SRPK2: variants seen among roughly 807,000 people sequenced by gnomAD.
SRPK2 encodes the protein SRSF protein kinase 2.
SRPK2 carries 21 observed loss-of-function variants against 90.8 expected under a neutral mutation model. That is an observed-to-expected ratio of 0.23 (90% CI 0.16 to 0.33). The LOEUF (loss-of-function observed/expected upper bound fraction) is 0.33, where lower values mean the gene tolerates loss of function less well. Among genes scored for constraint, SRPK2 ranks in the 10% least tolerant of loss-of-function variants. The pLI, the probability that SRPK2 is intolerant of heterozygous loss-of-function variation, is 1.00. For synonymous variants in SRPK2, 288 were observed against 311.1 expected (o/e 0.93, Z 0.78); for missense variants, 620 against 869.0 (o/e 0.71, Z 3.60).
chr7:105,235,484 A>G lies in SRPK2; in HGVS notation c.72-31699T>C, dbSNP rs893913154. On this transcript the variant is annotated intron_variant, in intron 2 of 15. Coordinates refer to ENST00000393651, the MANE Select transcript of SRPK2 (RefSeq NM_182692.3). ...ATTGTGTGTGTGTGTGTGTGTGTGCATGTGCATGCATTTTAAATATGTATG... is the reference window on the plus strand; with the variant it reads ...ATTGTGTGTGTGTGTGTGTGTGTGCGTGTGCATGCATTTTAAATATGTATG... Among the ~76,000 whole-genome samples the G allele has an allele frequency of 9.0e-4, 133 of 148,526 alleles. 1 individual carries two copies. The highest frequency in any genetic ancestry group is 3.2e-3 in the African/African-American group (127 of 39,832).
chr7:105,335,194 CTTA>C (rs1236588050), intron 2 of SRPK2, among the ~76,000 whole-genome samples: 1 of 152,098 alleles, frequency 6.6e-6, no homozygotes, highest in Non-Finnish European at 1.5e-5. Context: ...AATAACACTA[CTTA>C]TTATCAAATA....
At chr7:105,289,526 G>T (rs1808663965) in intron 2 of SRPK2, among the ~76,000 whole-genome samples, 1 of 152,246 alleles carries the variant, frequency 6.6e-6, no homozygotes, top group Admixed American at 6.5e-5. Context: ...GCGGCAGGAG[G>T]ATCTCTTGAG....
intron 3 of SRPK2, among the ~76,000 whole-genome samples, chr7:105,194,553 C>T (rs1388546184): frequency 1.3e-5 from 2 of 152,070 alleles, no homozygotes; most frequent in African/African-American, 2.4e-5. Flanking sequence ...ATTTCTATAA[C>T]CCATCAAAAC....
At chr7:105,213,491 C>A (rs1274028691) in intron 2 of SRPK2, among the ~76,000 whole-genome samples, 3 of 151,588 alleles carry the variant, frequency 2.0e-5, no homozygotes, top group Non-Finnish European at 1.5e-5. Flanking sequence ...AAGGGAAGAG[C>A]CCAGTTCAAA....
intron 2 of SRPK2, among the ~76,000 whole-genome samples, chr7:105,288,158 T>C (rs1280128079): frequency 6.6e-6 from 1 of 152,216 alleles, no homozygotes. Context: ...CTTATGGAAG[T>C]TGTACAACTG....
chr7:105,315,669 C>T (rs1812225807), intron 2 of SRPK2, among the ~76,000 whole-genome samples: 1 of 152,262 alleles, frequency 6.6e-6, no homozygotes, highest in African/African-American at 2.4e-5. Flanking sequence ...TTTAAAACAA[C>T]TTGACTAGAT....
chr7:105,209,646 T>C lies in SRPK2; in HGVS notation c.72-5861A>G, dbSNP rs1370142806. Among the ~76,000 whole-genome samples the C allele has an allele frequency of 1.6e-5, 2 of 124,058 alleles. 1 individual carries two copies. The highest frequency in any genetic ancestry group is 1.8e-4 in the Admixed American group (2 of 11,274). The allele number at this position is 124,058 out of a possible 152,430, so 81.4% of individuals were successfully genotyped here. A position where few individuals can be genotyped will look rare whatever the true frequency, so the allele number is the denominator to read the frequency against. Reference sequence around the variant, plus strand: ...AGAAAAGGGGAAGGGGAAAGGACAATGGAGAAAGGGGAAAGCAAAGGAAAA... The same window carrying C: ...AGAAAAGGGGAAGGGGAAAGGACAACGGAGAAAGGGGAAAGCAAAGGAAAA... On this transcript the variant is annotated intron_variant, in intron 2 of 15. Coordinates refer to ENST00000393651, the MANE Select transcript of SRPK2 (RefSeq NM_182692.3).
intron 2 of SRPK2, among the ~76,000 whole-genome samples, chr7:105,357,424 T>A (rs1027195621): frequency 2.0e-5 from 3 of 152,172 alleles, no homozygotes; most frequent in African/African-American, 7.2e-5. Context: ...TTTATTTTAG[T>A]TTGAAATTAC....
chr7:105,227,895 A>C (rs1661572528), intron 2 of SRPK2, among the ~76,000 whole-genome samples: 2 of 9,242 alleles, frequency 2.2e-4, no homozygotes, highest in South Asian at 5.5e-3. Context: ...TCATTCAGCA[A>C]AAAAAAAAAA....
In SRPK2 at chr7:105,297,245, A is replaced by G. The variant is rs114765233; in HGVS notation, c.71+91403T>C. Among the ~76,000 whole-genome samples, 1,209 of 152,318 alleles carry G rather than the reference A, an allele frequency of 7.9e-3. 16 individuals are homozygous for G. The highest frequency in any genetic ancestry group is 0.027 in the African/African-American group (1,119 of 41,564). On this transcript the variant is annotated intron_variant, in intron 2 of 15. Transcript: ENST00000393651. ...ATAAAGTAAAAACAAGCTGTTAGAA[A>G]CAGCAAACCAATTGCCAATCAAAGA...
At chr7:105,348,283 C>G (rs932218370) in intron 2 of SRPK2, among the ~76,000 whole-genome samples, 4 of 151,898 alleles carry the variant, frequency 2.6e-5, no homozygotes, top group Admixed American at 2.6e-4. Context: ...GTTGGTCAGA[C>G]TGGTCTGGAA....
chr7:105,285,279 G>C (rs1012329376), intron 2 of SRPK2, among the ~76,000 whole-genome samples: 2 of 151,406 alleles, frequency 1.3e-5, no homozygotes, highest in African/African-American at 4.9e-5. Flanking sequence ...CCAGCTACTC[G>C]GGAGGCTGAG....
At chr7:105,194,715 G>T (rs1179101451) in intron 3 of SRPK2, among the ~76,000 whole-genome samples, 2 of 152,166 alleles carry the variant, frequency 1.3e-5, no homozygotes, top group African/African-American at 2.4e-5. Context: ...AAAATGCAAA[G>T]GATCGAGACA....
In SRPK2 at chr7:105,195,032, G is replaced by A. The variant is rs138650986; in HGVS notation, c.229+8596C>T. ...GCTGACATTTTGGCACTGCTCTTTT[G>A]CTAAATATATTTTTATTTTTTGTTT... On this transcript the variant is annotated intron_variant, in intron 3 of 15. Coordinates refer to ENST00000393651, the MANE Select transcript of SRPK2 (RefSeq NM_182692.3). Among the ~76,000 whole-genome samples, 460 of 152,190 alleles carry A rather than the reference G, an allele frequency of 3.0e-3. 4 individuals carry two copies. Among genetic ancestry groups the A allele is most frequent in the African/African-American group, 9.6e-3 (399 of 41,552 alleles).
intron 2 of SRPK2, chr7:105,306,450 C>A: frequency 2.3e-6 from 1 of 440,544 alleles, no homozygotes; most frequent in South Asian, 1.7e-5. Flanking sequence ...GAGACCACAT[C>A]ACTGTCATCT....
upstream of SRPK2, among the ~76,000 whole-genome samples, chr7:105,394,383 C>A (rs921848017): frequency 1.3e-5 from 2 of 152,036 alleles, no homozygotes; most frequent in African/African-American, 4.8e-5. Flanking sequence ...CCTCATGATC[C>A]GCCCGCCTCG....
intron 3 of SRPK2, among the ~76,000 whole-genome samples, chr7:105,176,642 G>T (rs1791940824): frequency 7.9e-6 from 1 of 126,456 alleles, no homozygotes. Context: ...TATGCACAGT[G>T]GCATATGGTT....
At chr7:105,389,288 C>G, upstream of SRPK2, 1 of 1,277,930 alleles carries the variant, frequency 7.8e-7, no homozygotes. Flanking sequence ...CCGTCCTTGG[C>G]CGGCGCCTCC....
At chr7:105,188,664 T>A (rs1470514397) in intron 3 of SRPK2, among the ~76,000 whole-genome samples, 1 of 152,222 alleles carries the variant, frequency 6.6e-6, no homozygotes, top group Non-Finnish European at 1.5e-5. Flanking sequence ...GGAAAAAATT[T>A]TAACAATTCT....
Sources: gnomAD v4.1 joint callset for allele counts (sites outside exome capture counted in the v4.1 genomes callset) on GRCh38, gnomAD v4.1.1 for gene constraint, MANE v1.5 for transcripts, NCBI Gene and HGNC (gene_info 2026-07-23, HGNC 2026-07-21) for gene names.